The following EPB41L4A variants were observed in gnomAD, a reference collection of about 807,000 sequenced individuals.
EPB41L4A encodes the protein band 4.1-like protein 4A.
A neutral mutation model predicts 108.6 loss-of-function variants in EPB41L4A; 100 were observed. The ratio of observed to expected loss-of-function variants is 0.92; its 90% CI spans 0.78 to 1.09. The LOEUF is 1.09. EPB41L4A is among the 50% of genes least tolerant of loss of function. The probability of loss-of-function intolerance (pLI) is 0.00; values close to 1 mark genes in which losing one functional copy is unlikely to be tolerated. For synonymous variants in EPB41L4A, 319 were observed against 289.0 expected (o/e 1.10, Z -1.05); for missense variants, 1,030 against 842.7 (o/e 1.22, Z -2.75).
At chr5:112,256,610 C>T (rs562234117) in intron 9 of EPB41L4A, among the ~76,000 whole-genome samples, 1 of 151,954 alleles carries the variant, frequency 6.6e-6, no homozygotes, top group South Asian at 2.1e-4. Flanking sequence ...AAGTAAAACA[C>T]ATAAAAAGAA....
At chr5:112,224,874 A>G (rs1034598788) in intron 12 of EPB41L4A, among the ~76,000 whole-genome samples, 1 of 152,186 alleles carries the variant, frequency 6.6e-6, no homozygotes, top group Non-Finnish European at 1.5e-5. Context: ...CTCCTCCACC[A>G]TATTTTCAGA....
intron 12 of EPB41L4A, among the ~76,000 whole-genome samples, chr5:112,153,701 A>G (rs1341948121): frequency 6.6e-6 from 1 of 151,504 alleles, no homozygotes; most frequent in Non-Finnish European, 1.5e-5. Context: ...ACAAATCAGT[A>G]AGGATATAGA....
chr5:112,331,870 C>T (rs943310661), intron 1 of EPB41L4A, among the ~76,000 whole-genome samples: 6 of 152,184 alleles, frequency 3.9e-5, no homozygotes, highest in African/African-American at 1.2e-4. Flanking sequence ...CTTCTGAGGG[C>T]GTATTAGAAC....
rs567710102 is a variant in EPB41L4A, at chr5:112,181,114, A to T, written c.1622+2902T>A. Among the ~76,000 whole-genome samples the T allele has an allele frequency of 1.2e-3, 181 of 152,270 alleles. 1 individual carries two copies. Among genetic ancestry groups the T allele is most frequent in the Non-Finnish European group, 2.1e-3 (144 of 68,024 alleles). On this transcript the variant is annotated intron_variant, in intron 18 of 22. Coordinates refer to ENST00000261486, the MANE Select transcript of EPB41L4A (RefSeq NM_022140.5). Reference sequence around the variant, plus strand: ...CTCGTATCTTGTTAGTGGAGTATAAAATGACCCAACCTTTCTGGAAATCAT... The same window carrying T: ...CTCGTATCTTGTTAGTGGAGTATAATATGACCCAACCTTTCTGGAAATCAT...
rs1205770572 is a variant in EPB41L4A, at chr5:112,266,305, G to C, written c.361C>G (p.Gln121Glu). 1 of 1,606,476 alleles carries C rather than the reference G, an allele frequency of 6.2e-7. No homozygotes were observed. Among genetic ancestry groups the C allele is most frequent in the Non-Finnish European group, 8.5e-7 (1 of 1,176,654 alleles). Residue 121 changes from glutamine to glutamate, a missense_variant, in exon 5 of 23, where the codon CAA (glutamine) becomes GAA (glutamate). Gln to Glu is a conservative substitution (Grantham distance 29). Coordinates refer to ENST00000261486, the MANE Select transcript of EPB41L4A (RefSeq NM_022140.5). ...GGCAGACGGCCCTGAAGGACATCTTGCTTCACCTGCAAGAAAAACTGATAT... is the reference window on the plus strand; with the variant it reads ...GGCAGACGGCCCTGAAGGACATCTTCCTTCACCTGCAAGAAAAACTGATAT... ...TRYQFFLQVKQDVLQGRLPCP... is the reference protein window; with the variant it reads ...TRYQFFLQVKEDVLQGRLPCP...
At chr5:112,235,346 G>A (rs1415130685) in intron 11 of EPB41L4A, among the ~76,000 whole-genome samples, 4 of 152,162 alleles carry the variant, frequency 2.6e-5, no homozygotes, top group Non-Finnish European at 4.4e-5. Context: ...CCCTGGGGCT[G>A]GGCCAAACTT....
intron 13 of EPB41L4A, among the ~76,000 whole-genome samples, chr5:112,207,637 G>A (rs1169787716): frequency 7.3e-6 from 1 of 136,066 alleles, no homozygotes; most frequent in Non-Finnish European, 1.5e-5. Context: ...CTTTTCCAAA[G>A]AAGACATACA....
intron 12 of EPB41L4A, among the ~76,000 whole-genome samples, chr5:112,217,863 T>A (rs1023125559): frequency 6.6e-6 from 1 of 152,120 alleles, no homozygotes; most frequent in South Asian, 2.1e-4. Flanking sequence ...GGAATGGGTG[T>A]GGAGGAGAAA....
chr5:112,383,534 G>T (rs1198386904), intron 1 of EPB41L4A, among the ~76,000 whole-genome samples: 1 of 152,146 alleles, frequency 6.6e-6, no homozygotes, highest in Non-Finnish European at 1.5e-5. Context: ...AACACAATCA[G>T]ATTGAAATCC....
intron 1 of EPB41L4A, among the ~76,000 whole-genome samples, chr5:112,331,762 C>G (rs938615790): frequency 1.3e-5 from 2 of 152,336 alleles, no homozygotes; most frequent in South Asian, 4.1e-4. Context: ...CCCCCAGAAG[C>G]AAGTGGCCAC....
intron 12 of EPB41L4A, among the ~76,000 whole-genome samples, chr5:112,152,369 T>C (rs78509396): frequency 0.17 from 26,275 of 150,820 alleles, 2,393 homozygotes; most frequent in Non-Finnish European, 0.21. Context: ...ACATTACTGC[T>C]ATGGTCTGAA....
chr5:112,354,722 A>C (rs1305630479), intron 1 of EPB41L4A, among the ~76,000 whole-genome samples: 1 of 152,214 alleles, frequency 6.6e-6, no homozygotes, highest in Non-Finnish European at 1.5e-5. Context: ...TGGATTCCAC[A>C]GTAATAGTCA....
intron 1 of EPB41L4A, among the ~76,000 whole-genome samples, chr5:112,372,801 T>C (rs749346602): frequency 2.0e-5 from 3 of 152,036 alleles, no homozygotes; most frequent in Non-Finnish European, 4.4e-5. Context: ...TGAACTGTAA[T>C]GGTCAAGGAA....
At chr5:112,389,946 A>G (rs73214256) in intron 1 of EPB41L4A, among the ~76,000 whole-genome samples, 21,495 of 152,238 alleles carry the variant, frequency 0.14, 4,261 homozygotes, top group African/African-American at 0.44. Flanking sequence ...GAGGGATGGC[A>G]TGAAGGTATA....
At chr5:112,384,285 G>A (rs1177463654) in intron 1 of EPB41L4A, among the ~76,000 whole-genome samples, 2 of 152,094 alleles carry the variant, frequency 1.3e-5, no homozygotes, top group African/African-American at 4.8e-5. Flanking sequence ...AACAAAAGAT[G>A]ATAATATAGA....
chr5:112,343,284 G>C (rs1456615601), intron 1 of EPB41L4A, among the ~76,000 whole-genome samples: 1 of 152,148 alleles, frequency 6.6e-6, no homozygotes, highest in Admixed American at 6.5e-5. Context: ...TGCTTAAGAA[G>C]AAATATATAG....
chr5:112,157,088 G>T (rs1418419959), intron 12 of EPB41L4A, among the ~76,000 whole-genome samples: 3 of 151,888 alleles, frequency 2.0e-5, no homozygotes, highest in South Asian at 2.1e-4. Flanking sequence ...TATTGACACA[G>T]GAGAGACAAA....
intron 4 of EPB41L4A, among the ~76,000 whole-genome samples, chr5:112,275,033 G>A (rs1752528055): frequency 6.6e-6 from 1 of 152,140 alleles, no homozygotes; most frequent in Non-Finnish European, 1.5e-5. Context: ...ACTTCGATAT[G>A]AATACAAAGG....
chr5:112,380,839 A>C (rs1760131350), intron 1 of EPB41L4A, among the ~76,000 whole-genome samples: 1 of 151,306 alleles, frequency 6.6e-6, no homozygotes, highest in South Asian at 2.1e-4. Flanking sequence ...AATTCAGCCA[A>C]GGGGAAAGGA....
Sources: allele counts gnomAD v4.1 joint callset (sites outside exome capture counted in the v4.1 genomes callset), GRCh38; gene constraint gnomAD v4.1.1; transcripts MANE v1.5; gene names NCBI Gene and HGNC (gene_info 2026-07-23, HGNC 2026-07-21).